RPS6KC1: variants seen among roughly 807,000 people sequenced by gnomAD.
RPS6KC1 encodes the protein inactive ribosomal protein S6 kinase delta-1.
RPS6KC1 carries 54 observed loss-of-function variants against 103.8 expected under a neutral mutation model. That is an observed-to-expected ratio of 0.52 (90% CI 0.42 to 0.65). The LOEUF (loss-of-function observed/expected upper bound fraction) is 0.65, where lower values mean the gene tolerates loss of function less well. RPS6KC1 is among the 30% of genes least tolerant of loss of function. RPS6KC1 has a pLI of 0.00. For synonymous variants in RPS6KC1, 439 were observed against 438.7 expected, an observed-to-expected ratio of 1.00 and a Z score of -0.01; for missense variants, 1,151 against 1,253.8, an observed-to-expected ratio of 0.92 and a Z score of 1.24.
the RPS6KC1 span, among the ~76,000 whole-genome samples, chr1:213,737,364 C>G: frequency 3.9e-4 from 59 of 152,280 alleles, no homozygotes; most frequent in Middle Eastern, 3.4e-3. Flanking sequence ...CTAGAACATA[C>G]TCACCATGAC....
chr1:213,376,396 C>T, the RPS6KC1 span, among the ~76,000 whole-genome samples: 5 of 151,604 alleles, frequency 3.3e-5, no homozygotes, highest in Admixed American at 3.3e-4. Flanking sequence ...TAGGTTGTTT[C>T]TATTTTTTTT....
chr1:213,725,582 C>A, the RPS6KC1 span, among the ~76,000 whole-genome samples: 2 of 152,320 alleles, frequency 1.3e-5, no homozygotes, highest in South Asian at 4.1e-4. Context: ...ATCCAGAGCC[C>A]TTTACTCGTT....
chr1:213,805,475 T>C, the RPS6KC1 span, among the ~76,000 whole-genome samples: 1 of 152,214 alleles, frequency 6.6e-6, no homozygotes, highest in Non-Finnish European at 1.5e-5. Context: ...AAAAACCACT[T>C]TCTTTGCTCA....
At chr1:213,628,461 GC>G in the RPS6KC1 span, among the ~76,000 whole-genome samples, 1 of 151,984 alleles carries the variant, frequency 6.6e-6, no homozygotes, top group Non-Finnish European at 1.5e-5. Flanking sequence ...CCTTCTGCTA[GC>G]TTTTGTCTTT....
At chr1:213,559,673 C>A in the RPS6KC1 span, among the ~76,000 whole-genome samples, 2 of 152,094 alleles carry the variant, frequency 1.3e-5, no homozygotes, top group African/African-American at 2.4e-5. Context: ...GGGCCTGGGA[C>A]TTTAGTATTG....
intron 3 of RPS6KC1, among the ~76,000 whole-genome samples, chr1:213,078,731 A>G (rs947119243): frequency 3.3e-5 from 5 of 152,128 alleles, no homozygotes; most frequent in African/African-American, 9.7e-5. Flanking sequence ...ACTTTTTGCA[A>G]CCAATTTCTG....
chr1:213,133,364 G>T (rs1010503170), intron 6 of RPS6KC1, among the ~76,000 whole-genome samples: 16 of 152,210 alleles, frequency 1.1e-4, no homozygotes, highest in African/African-American at 3.9e-4. Flanking sequence ...TCAATAAAAT[G>T]TTTAAGTAAT....
the RPS6KC1 span, among the ~76,000 whole-genome samples, chr1:213,535,955 C>G: frequency 6.6e-6 from 1 of 152,010 alleles, no homozygotes; most frequent in African/African-American, 2.4e-5. Context: ...GTTTACTAAG[C>G]GAGAACAAAG....
At chr1:213,404,243 T>C in the RPS6KC1 span, among the ~76,000 whole-genome samples, 1 of 152,014 alleles carries the variant, frequency 6.6e-6, no homozygotes, top group Non-Finnish European at 1.5e-5. Flanking sequence ...ACACTGGGGT[T>C]GAGGTGGCTG....
the RPS6KC1 span, chr1:213,794,283 A>G: frequency 3.3e-5 from 5 of 152,224 alleles, no homozygotes; most frequent in African/African-American, 1.2e-4. Context: ...TTCTATAAAC[A>G]TAAAGGTAGA....
chr1:213,198,802 A>G (rs2093047546), intron 8 of RPS6KC1, among the ~76,000 whole-genome samples: 1 of 152,198 alleles, frequency 6.6e-6, no homozygotes, highest in African/African-American at 2.4e-5. Flanking sequence ...TCTCTTCTAG[A>G]AGACAGAAGT....
the RPS6KC1 span, among the ~76,000 whole-genome samples, chr1:213,629,063 A>G: frequency 3.3e-5 from 5 of 152,102 alleles, no homozygotes; most frequent in African/African-American, 1.2e-4. Context: ...GATTCTGTTG[A>G]TTTGGGGTGG....
chr1:213,497,111 A>G, the RPS6KC1 span, among the ~76,000 whole-genome samples: 2 of 152,238 alleles, frequency 1.3e-5, no homozygotes, highest in Non-Finnish European at 2.9e-5. Context: ...AAATAGTAAT[A>G]ATCAACTTTA....
the RPS6KC1 span, among the ~76,000 whole-genome samples, chr1:213,660,937 G>T: frequency 6.6e-6 from 1 of 152,182 alleles, no homozygotes; most frequent in East Asian, 1.9e-4. Flanking sequence ...AGATCATTTT[G>T]CCTGTAGAGA....
the RPS6KC1 span, among the ~76,000 whole-genome samples, chr1:213,596,106 C>G: frequency 6.6e-6 from 1 of 152,132 alleles, no homozygotes; most frequent in Admixed American, 6.5e-5. Flanking sequence ...ATGAAAATGA[C>G]AGGAAGTGAC....
At chr1:213,859,154 C>A in the RPS6KC1 span, among the ~76,000 whole-genome samples, 1 of 152,108 alleles carries the variant, frequency 6.6e-6, no homozygotes, top group Non-Finnish European at 1.5e-5. Context: ...GGCATTTGTG[C>A]TTTTCTAGGT....
At chr1:213,834,217 G>T in the RPS6KC1 span, among the ~76,000 whole-genome samples, 1 of 152,148 alleles carries the variant, frequency 6.6e-6, no homozygotes, top group Non-Finnish European at 1.5e-5. Flanking sequence ...TAGAGATGGG[G>T]TTTTGCCAGG....
the RPS6KC1 span, among the ~76,000 whole-genome samples, chr1:213,544,313 A>G: frequency 2.6e-5 from 4 of 152,138 alleles, no homozygotes; most frequent in African/African-American, 9.7e-5. Flanking sequence ...AGGATAGAGT[A>G]AGGACAGACT....
the RPS6KC1 span, among the ~76,000 whole-genome samples, chr1:213,651,642 T>C: frequency 6.6e-6 from 1 of 152,310 alleles, no homozygotes; most frequent in South Asian, 2.1e-4. Flanking sequence ...GAGACACTTA[T>C]TCACATTTGG....
Sources: gnomAD v4.1 joint callset for allele counts (sites outside exome capture counted in the v4.1 genomes callset) on GRCh38, gnomAD v4.1.1 for gene constraint, MANE v1.5 for transcripts, NCBI Gene and HGNC (gene_info 2026-07-23, HGNC 2026-07-21) for gene names.